SLC39A10: variants seen among roughly 807,000 people sequenced by gnomAD.
SLC39A10 encodes the protein solute carrier family 39 member 10.
Under a neutral mutation model 65.1 loss-of-function variants are expected in SLC39A10, and 13 were observed. The ratio of observed to expected loss-of-function variants is 0.20; its 90% CI spans 0.13 to 0.32. SLC39A10 has a LOEUF of 0.32. SLC39A10 is among the 10% of genes least tolerant of loss of function. The pLI is 1.00. For synonymous variants in SLC39A10, 321 were observed against 342.2 expected, an observed-to-expected ratio of 0.94 and a Z score of 0.68; for missense variants, 831 against 1,018.4, an observed-to-expected ratio of 0.82 and a Z score of 2.50.
intron 3 of SLC39A10, among the ~76,000 whole-genome samples, chr2:195,701,119 A>G (rs1056401030): frequency 6.8e-6 from 1 of 147,818 alleles, no homozygotes; most frequent in Admixed American, 6.9e-5. Context: ...TTTTTAGTCA[A>G]TATTTTTTCT....
At chr2:195,655,199 G>C (rs1321945657), upstream of SLC39A10, among the ~76,000 whole-genome samples, 1 of 152,190 alleles carries the variant, frequency 6.6e-6, no homozygotes, top group Non-Finnish European at 1.5e-5. Context: ...GGGGAATCTT[G>C]AGAGGAAGGA....
chr2:195,733,412 C>T (rs1380640507), intron 9 of SLC39A10, among the ~76,000 whole-genome samples: 4 of 152,134 alleles, frequency 2.6e-5, no homozygotes, highest in African/African-American at 9.7e-5. Flanking sequence ...TGTATTTCTT[C>T]CACAAATCTT....
intron 2 of SLC39A10, among the ~76,000 whole-genome samples, chr2:195,636,700 C>A (rs995688368): frequency 6.6e-6 from 1 of 152,040 alleles, no homozygotes; most frequent in African/African-American, 2.4e-5. Flanking sequence ...TTGCAGTGAG[C>A]CTAGATCGCG....
At chr2:195,734,063 A>G (rs952748026) in intron 9 of SLC39A10, among the ~76,000 whole-genome samples, 1 of 151,366 alleles carries the variant, frequency 6.6e-6, no homozygotes, top group African/African-American at 2.4e-5. Flanking sequence ...CTTTGCTGTC[A>G]TGAGCAGTGG....
In SLC39A10 at chr2:195,645,451, A is replaced by T. The variant is rs575928140; in HGVS notation, c.-11-34581A>T. ...GTTTATAAAATCATTTACGTACTAT[A>T]ATATGGTTCAATTCCTTGAGCATTA... is the stretch of plus-strand genomic sequence containing the variant. On this transcript the variant is annotated intron_variant, in intron 2 of 2. Coordinates refer to the SLC39A10 transcript ENST00000458054. Among the ~76,000 whole-genome samples, 38 of 152,334 alleles carry T rather than the reference A, an allele frequency of 2.5e-4. 1 individual carries two copies. The South Asian group carries it at 7.7e-3, about 31-fold the overall frequency.
chr2:195,727,310 G>C (rs945229704), intron 8 of SLC39A10, among the ~76,000 whole-genome samples: 12 of 152,136 alleles, frequency 7.9e-5, no homozygotes, highest in African/African-American at 2.2e-4. Context: ...TGATTTCACA[G>C]TCACCAGTGT....
chr2:195,717,088 A>G, intron 7 of SLC39A10, 83 bp downstream of exon 7: 1 of 1,511,998 alleles, frequency 6.6e-7, no homozygotes, highest in East Asian at 2.3e-5. Flanking sequence ...CTTAACAAAT[A>G]TATGGTTATG....
At chr2:195,704,761 C>T (rs1691333783) in intron 3 of SLC39A10, among the ~76,000 whole-genome samples, 1 of 151,960 alleles carries the variant, frequency 6.6e-6, no homozygotes, top group African/African-American at 2.4e-5. Flanking sequence ...AGAGCAATCA[C>T]TGCCCCACCC....
At position 195,657,694 on chromosome 2, in the gene SLC39A10, G is replaced by C. The variant is rs1422818383; in HGVS notation, c.-12+413G>C. 3 of 946,208 alleles carry C rather than the reference G, an allele frequency of 3.2e-6. No homozygotes were observed. In the African/African-American group the frequency reaches 5.3e-5, roughly 17 times the overall value. The allele number at this position is 946,208 out of a possible 1,614,324, so 58.6% of individuals were successfully genotyped here. The stretch of plus-strand genomic sequence containing the variant: ...GCGGTTAGGGGGCTGCGCGCCGGCC[G>C]CGGATGGCGTCGCAGGCGCGGGCGG... On this transcript the variant is annotated intron_variant, in intron 1 of 9. Transcript: ENST00000359634.
chr2:195,650,752 G>A (rs892513013), intron 2 of SLC39A10, among the ~76,000 whole-genome samples: 7 of 152,212 alleles, frequency 4.6e-5, no homozygotes, highest in African/African-American at 1.7e-4. Flanking sequence ...TATTGCACAA[G>A]CCTACCAATT....
In SLC39A10 at chr2:195,615,012, A is replaced by C. The variant is rs574350080; in HGVS notation, c.-12+8779A>C. Among the ~76,000 whole-genome samples the C allele has an allele frequency of 5.9e-5, 9 of 152,232 alleles. No individual in the cohort carries two copies. In the South Asian group the frequency reaches 1.7e-3, roughly 28 times the overall value. Reference sequence around the variant, plus strand: ...GCTACAGTGAGCCGTGATTGTGACCATGTCAGTATACTCAGCCCGGGGAAC... The same window carrying C: ...GCTACAGTGAGCCGTGATTGTGACCCTGTCAGTATACTCAGCCCGGGGAAC... On this transcript the variant is annotated intron_variant, in intron 2 of 2. Coordinates refer to the SLC39A10 transcript ENST00000458054.
chr2:195,690,108 A>G (rs980099306), intron 3 of SLC39A10, among the ~76,000 whole-genome samples: 1 of 137,142 alleles, frequency 7.3e-6, no homozygotes, highest in African/African-American at 2.7e-5. Context: ...ACTGGGAGGC[A>G]GAGGTTGCAG....
At chr2:195,669,098 A>T (rs1365815197) in intron 1 of SLC39A10, among the ~76,000 whole-genome samples, 1 of 151,816 alleles carries the variant, frequency 6.6e-6, no homozygotes, top group African/African-American at 2.4e-5. Context: ...AAAATTACTA[A>T]GTTGATTGGC....
chr2:195,719,701 T>G (rs1384190447), intron 8 of SLC39A10, among the ~76,000 whole-genome samples: 1 of 151,604 alleles, frequency 6.6e-6, no homozygotes, highest in South Asian at 2.1e-4. Flanking sequence ...CACTTCAGCC[T>G]CTGTCCCCTG....
intron 2 of SLC39A10, among the ~76,000 whole-genome samples, chr2:195,620,107 A>G (rs1688321044): frequency 6.6e-6 from 1 of 152,104 alleles, no homozygotes; most frequent in Non-Finnish European, 1.5e-5. Flanking sequence ...TATTTTTGGT[A>G]GAGACAGGAT....
intron 1 of SLC39A10, among the ~76,000 whole-genome samples, chr2:195,659,199 A>G (rs1418782906): frequency 6.6e-6 from 1 of 152,204 alleles, no homozygotes; most frequent in Non-Finnish European, 1.5e-5. Flanking sequence ...AGACGCCTGG[A>G]TAAGAACCCC....
At chr2:195,690,197 AAAGAAAG>A (rs1690683871) in intron 3 of SLC39A10, among the ~76,000 whole-genome samples, 6 of 141,896 alleles carry the variant, frequency 4.2e-5, no homozygotes, top group Non-Finnish European at 9.7e-5. Flanking sequence ...AAAAAAAAAA[AAAGAAAG>A]AAATTCCTTC....
intron 3 of SLC39A10, among the ~76,000 whole-genome samples, chr2:195,703,714 C>T (rs1157208131): frequency 6.6e-6 from 1 of 152,160 alleles, no homozygotes; most frequent in African/African-American, 2.4e-5. Context: ...AGTGCAGTGG[C>T]ATGATCTTGG....
chr2:195,626,438 A>G (rs535805598), intron 2 of SLC39A10, among the ~76,000 whole-genome samples: 11 of 152,208 alleles, frequency 7.2e-5, no homozygotes, highest in Admixed American at 2.0e-4. Context: ...CTGACTATAT[A>G]CTAGGGCTCC....
Sources: gnomAD v4.1 joint callset for allele counts (sites outside exome capture counted in the v4.1 genomes callset) on GRCh38, gnomAD v4.1.1 for gene constraint, MANE v1.5 for transcripts, NCBI Gene and HGNC (gene_info 2026-07-23, HGNC 2026-07-21) for gene names.